The following ARV1 variants were observed in gnomAD, a reference collection of about 807,000 sequenced individuals.
The protein encoded by ARV1 is protein ARV1.
ARV1 carries 26 observed loss-of-function variants against 31.1 expected under a neutral mutation model. The observed-to-expected ratio is 0.84, with a 90% CI of 0.61 to 1.16. ARV1 has a LOEUF of 1.16. Among genes scored for constraint, ARV1 ranks in the 50% most tolerant of loss-of-function variants. The probability of loss-of-function intolerance (pLI) is 0.00; values close to 1 mark genes in which losing one functional copy is unlikely to be tolerated. For synonymous variants in ARV1, 117 were observed against 123.2 expected (o/e 0.95, Z 0.34); for missense variants, 281 against 324.9 (o/e 0.86, Z 1.04).
At chr1:230,980,341 C>G (rs1234371554) in intron 1 of ARV1, among the ~76,000 whole-genome samples, 1 of 149,904 alleles carries the variant, frequency 6.7e-6, no homozygotes. Context: ...TTTTTTCTTT[C>G]TTTCTTTCTT....
At chr1:230,994,354 T>C (rs1309434507) in intron 3 of ARV1, among the ~76,000 whole-genome samples, 2 of 152,240 alleles carry the variant, frequency 1.3e-5, no homozygotes, top group African/African-American at 4.8e-5. Context: ...ATGGTTCTTG[T>C]TATTCGCTAT....
chr1:230,983,263 T>G (rs1195823958), intron 1 of ARV1, among the ~76,000 whole-genome samples: 1 of 151,874 alleles, frequency 6.6e-6, no homozygotes, highest in Non-Finnish European at 1.5e-5. Context: ...AATACAAAAA[T>G]TAGCCAGGCG....
At chr1:230,999,101 C>A (rs1479141715) in intron 5 of ARV1, among the ~76,000 whole-genome samples, 1 of 152,088 alleles carries the variant, frequency 6.6e-6, no homozygotes, top group Non-Finnish European at 1.5e-5. Flanking sequence ...CTCTTCCTTC[C>A]CTTCACTGTG....
At chr1:230,989,903 A>C (rs1679182466) in intron 2 of ARV1, among the ~76,000 whole-genome samples, 1 of 152,204 alleles carries the variant, frequency 6.6e-6, no homozygotes, top group South Asian at 2.1e-4. Context: ...AGACATTTAA[A>C]TTTTGAAAAA....
chr1:230,982,882 A>G (rs1463109417), intron 1 of ARV1, among the ~76,000 whole-genome samples: 1 of 152,152 alleles, frequency 6.6e-6, no homozygotes, highest in Non-Finnish European at 1.5e-5. Flanking sequence ...GGTTACTCAT[A>G]TATACTTTGG....
chr1:230,997,077 C>T (rs1326280996), intron 4 of ARV1, 44 bp from the exon 5 acceptor site: 9 of 1,592,604 alleles, frequency 5.7e-6, no homozygotes, highest in African/African-American at 5.4e-5. Flanking sequence ...ATGTCAATAT[C>T]GTTTCATTAA....
chr1:230,981,016 C>T (rs1453744992), intron 1 of ARV1, among the ~76,000 whole-genome samples: 5 of 152,218 alleles, frequency 3.3e-5, no homozygotes, highest in Non-Finnish European at 5.9e-5. Context: ...TAATGATCAG[C>T]AGCATTTTAC....
Position 230,990,122 on chromosome 1 carries a change from C to T in ARV1, c.307C>T (p.Leu103Phe), listed in dbSNP as rs747532455. The T allele has an allele frequency of 1.2e-6, 2 of 1,604,966 alleles. No individual in the cohort carries two copies. Among genetic ancestry groups the T allele is most frequent in the Admixed American group, 1.8e-5 (1 of 56,906 alleles). ...FNTQINIHGK[L>F]CIFCLLCEAY... The stretch of plus-strand genomic sequence containing the variant: ...CTTTGACTATCAGATCCATGGAAAA[C>T]TCTGCATATTTTGTTTGCTTTGTGA... The change falls in exon 3 of 6, where the codon CTC becomes TTC. Residue 103 changes from leucine (L) to phenylalanine (F), a missense_variant. By Grantham distance (22) the Leu-to-Phe change is conservative. Coordinates refer to ENST00000310256, the MANE Select transcript of ARV1 (RefSeq NM_022786.3).
chr1:230,991,473 T>C (rs1679225306), intron 3 of ARV1, among the ~76,000 whole-genome samples: 2 of 152,146 alleles, frequency 1.3e-5, no homozygotes, highest in South Asian at 4.1e-4. Context: ...TCCTCATCTC[T>C]CTGCCTCTAC....
At chr1:230,989,959 T>C in intron 2 of ARV1, 151 bp from the exon 3 acceptor site, 1 of 771,000 alleles carries the variant, frequency 1.3e-6, no homozygotes, top group Non-Finnish European at 2.0e-6. Flanking sequence ...TAAAACTCAC[T>C]GATTACAAAA....
chr1:230,995,860 A>G lies in ARV1; in HGVS notation c.549A>G (p.Leu183=). The change falls in exon 4 of 6, where the codon TTA becomes TTG. Residue 183 remains leucine (L), a synonymous_variant. Coordinates refer to ENST00000310256, the MANE Select transcript of ARV1 (RefSeq NM_022786.3). ...KPNFILLLKA[L]LLSSYGKLLL... ...ACTTCATTTTGCTGCTGAAAGCATT[A>G]TTATTATCTAGCTACGGAAAACTCT... 1 of 1,614,120 alleles carries G rather than the reference A, an allele frequency of 6.2e-7. No individual in the cohort carries two copies.
At chr1:230,983,532 A>C (rs984549207) in intron 1 of ARV1, among the ~76,000 whole-genome samples, 2 of 152,168 alleles carry the variant, frequency 1.3e-5, no homozygotes, top group South Asian at 4.2e-4. Flanking sequence ...GAGTCTCCTA[A>C]GTTTCCATTT....
At chr1:230,984,355 TGTGTGTGC>T (rs1416665484) in intron 1 of ARV1, among the ~76,000 whole-genome samples, 7 of 66,160 alleles carry the variant, frequency 1.1e-4, no homozygotes, top group Admixed American at 1.4e-4. Flanking sequence ...TGTGTGTGTG[TGTGTGTGC>T]GTGTGTGTGT....
chr1:230,999,028 T>C (rs1249663966), intron 5 of ARV1, among the ~76,000 whole-genome samples: 2 of 152,150 alleles, frequency 1.3e-5, no homozygotes, highest in Admixed American at 1.3e-4. Flanking sequence ...GGCCACCCAG[T>C]CCCTTCCCAT....
chr1:230,987,280 T>C (rs972852044), intron 1 of ARV1, among the ~76,000 whole-genome samples: 2 of 152,212 alleles, frequency 1.3e-5, no homozygotes, highest in African/African-American at 4.8e-5. Flanking sequence ...TTAAAACTTA[T>C]GCTTATTTCT....
intron 1 of ARV1, among the ~76,000 whole-genome samples, chr1:230,983,389 G>A (rs1678966323): frequency 7.0e-6 from 1 of 141,936 alleles, no homozygotes; most frequent in Non-Finnish European, 1.5e-5. Flanking sequence ...CTCCAGCCTG[G>A]ATGACAGAGT....
Position 230,996,835 on chromosome 1 carries a change from G to A in ARV1, c.674-286G>A, listed in dbSNP as rs112057309. On this transcript the variant is annotated intron_variant, in intron 4 of 5. Coordinates refer to ENST00000310256, the MANE Select transcript of ARV1 (RefSeq NM_022786.3). ...AAAGTATCATTTTGTTGTTGTTGTC[G>A]TTATTCTCTTATAGCGTTAGAATTT... Among the ~76,000 whole-genome samples, 946 of 152,158 alleles carry A rather than the reference G, an allele frequency of 6.2e-3. 7 individuals carry two copies. The highest frequency in any genetic ancestry group is 0.021 in the African/African-American group (879 of 41,478).
rs770682553 is a variant in ARV1, at chr1:230,979,147, G to T, written c.42G>T (p.Gly14=). Residue 14 remains glycine (G), a synonymous_variant, in exon 1 of 6, where the codon GGG becomes GGT. Transcript: ENST00000310256. ...GGAGCGGCCTGCAGCAGGGGAAGGGGAACGTGGATGGGGTGGCAGCGACTC... is the reference window on the plus strand; with the variant it reads ...GGAGCGGCCTGCAGCAGGGGAAGGGTAACGTGGATGGGGTGGCAGCGACTC... ...GGRSGLQQGK[G]NVDGVAATPT... 4 of 1,612,032 alleles carry T rather than the reference G, an allele frequency of 2.5e-6. No homozygotes were observed. Among genetic ancestry groups the T allele is most frequent in the Non-Finnish European group, 2.5e-6 (3 of 1,179,430 alleles).
At chr1:230,991,631 CTTT>C (rs35843547) in intron 3 of ARV1, among the ~76,000 whole-genome samples, 2 of 133,006 alleles carry the variant, frequency 1.5e-5, no homozygotes, top group African/African-American at 2.9e-5. Flanking sequence ...AGTACTTCTA[CTTT>C]TTTTTTTTTT....
Sources: gnomAD v4.1 joint callset for allele counts (sites outside exome capture counted in the v4.1 genomes callset) on GRCh38, gnomAD v4.1.1 for gene constraint, MANE v1.5 for transcripts, NCBI Gene and HGNC (gene_info 2026-07-23, HGNC 2026-07-21) for gene names.